The following DRC11 variants were observed in gnomAD, a reference collection of about 807,000 sequenced individuals.
The protein encoded by DRC11 is IQ and AAA domain-containing protein 1.
the DRC11 span, among the ~76,000 whole-genome samples, chr2:236,494,876 G>A: frequency 6.6e-6 from 1 of 152,198 alleles, no homozygotes; most frequent in African/African-American, 2.4e-5. This position sits in a 1 kb window ranked among gnomAD's most constrained non-coding sequence, Gnocchi z 4.2. Context: ...AACTAGCAGA[G>A]TCTAGTGGGT....
the DRC11 span, among the ~76,000 whole-genome samples, chr2:236,451,567 A>T: frequency 6.6e-6 from 1 of 152,164 alleles, no homozygotes; most frequent in Non-Finnish European, 1.5e-5. Context: ...CTATTTAAAA[A>T]TTTTAAAAAT....
At chr2:236,420,219 T>C in the DRC11 span, among the ~76,000 whole-genome samples, 2 of 152,190 alleles carry the variant, frequency 1.3e-5, no homozygotes, top group African/African-American at 4.8e-5. This position sits in a 1 kb window ranked among gnomAD's most constrained non-coding sequence, Gnocchi z 4.8. Flanking sequence ...ACACATACAG[T>C]GCAGTATCCC....
chr2:236,408,186 G>T, the DRC11 span: 1 of 741,258 alleles, frequency 1.3e-6, no homozygotes, highest in South Asian at 1.3e-5. The surrounding 1 kb of genome is among the most constrained non-coding windows in gnomAD (Gnocchi z 5.5). Flanking sequence ...TCAGTTTGTC[G>T]TCCTTGATAA....
At chr2:236,377,166 TATACAG>T in the DRC11 span, 1 of 1,612,098 alleles carries the variant, frequency 6.2e-7, no homozygotes, top group Non-Finnish European at 8.5e-7. The surrounding 1 kb of genome is among the most constrained non-coding windows in gnomAD (Gnocchi z 4.9). Flanking sequence ...ACCAGTTCCT[TATACAG>T]AGACTCGATG....
chr2:236,410,274 C>T, the DRC11 span, among the ~76,000 whole-genome samples: 2,841 of 151,718 alleles, frequency 0.019, 85 homozygotes, highest in African/African-American at 0.064. Context: ...TTGATTATTG[C>T]CACAATTTCA....
chr2:236,355,542 C>T, the DRC11 span, among the ~76,000 whole-genome samples: 2 of 152,182 alleles, frequency 1.3e-5, no homozygotes, highest in Non-Finnish European at 2.9e-5. Flanking sequence ...TGTCCATACC[C>T]GAGGCTGCAC....
At chr2:236,387,843 T>C in the DRC11 span, among the ~76,000 whole-genome samples, 1 of 152,180 alleles carries the variant, frequency 6.6e-6, no homozygotes, top group Non-Finnish European at 1.5e-5. Flanking sequence ...CAGGAGCTCT[T>C]GTAAGGCAGG....
At chr2:236,371,017 TA>T in the DRC11 span, among the ~76,000 whole-genome samples, 1 of 152,110 alleles carries the variant, frequency 6.6e-6, no homozygotes, top group African/African-American at 2.4e-5. This position sits in a 1 kb window ranked among gnomAD's most constrained non-coding sequence, Gnocchi z 5.1. Context: ...ATCTCAAGAC[TA>T]AAAAAAGCAA....
At chr2:236,445,515 T>C in the DRC11 span, among the ~76,000 whole-genome samples, 1 of 151,590 alleles carries the variant, frequency 6.6e-6, no homozygotes, top group South Asian at 2.1e-4. The surrounding 1 kb of genome is among the most constrained non-coding windows in gnomAD (Gnocchi z 4.8). Context: ...TTTTTTTGTA[T>C]TTTTTGTAGA....
At chr2:236,366,748 GTTCT>G in the DRC11 span, among the ~76,000 whole-genome samples, 1 of 131,348 alleles carries the variant, frequency 7.6e-6, no homozygotes, top group African/African-American at 2.7e-5. Context: ...TTGGCTCTTG[GTTCT>G]TTCTTTCTCT....
chr2:236,415,715 C>T, the DRC11 span, among the ~76,000 whole-genome samples: 40 of 152,270 alleles, frequency 2.6e-4, no homozygotes, highest in African/African-American at 6.7e-4. The surrounding 1 kb of genome is among the most constrained non-coding windows in gnomAD (Gnocchi z 5.7). Context: ...AACTGTTCAT[C>T]GTTAAGTGAC....
At chr2:236,410,477 A>G in the DRC11 span, among the ~76,000 whole-genome samples, 530 of 151,406 alleles carry the variant, frequency 3.5e-3, 3 homozygotes, top group African/African-American at 0.012. Context: ...TGCCCAAGGT[A>G]ATTTACAGAT....
chr2:236,504,435 T>TA, the DRC11 span, among the ~76,000 whole-genome samples: 3 of 152,154 alleles, frequency 2.0e-5, no homozygotes, highest in African/African-American at 7.2e-5. This position sits in a 1 kb window ranked among gnomAD's most constrained non-coding sequence, Gnocchi z 5.0. Context: ...TGCGTGGAAA[T>TA]ATGTCTTTAT....
chr2:236,480,188 T>C, the DRC11 span, among the ~76,000 whole-genome samples: 1 of 152,162 alleles, frequency 6.6e-6, no homozygotes, highest in Non-Finnish European at 1.5e-5. Flanking sequence ...TCCTTGACTT[T>C]TGAGAGTTTA....
At chr2:236,329,888 T>C in the DRC11 span, among the ~76,000 whole-genome samples, 1 of 152,162 alleles carries the variant, frequency 6.6e-6, no homozygotes, top group African/African-American at 2.4e-5. Context: ...AGGGTAGTAA[T>C]TCCTTTTCTT....
chr2:236,408,452 T>G, the DRC11 span: 2 of 741,086 alleles, frequency 2.7e-6, no homozygotes, highest in Non-Finnish European at 5.1e-6. The surrounding 1 kb of genome is among the most constrained non-coding windows in gnomAD (Gnocchi z 5.5). Context: ...AACACTTGGT[T>G]CACAGGTATG....
At chr2:236,326,741 A>T in the DRC11 span, among the ~76,000 whole-genome samples, 1 of 151,040 alleles carries the variant, frequency 6.6e-6, no homozygotes, top group African/African-American at 2.4e-5. Context: ...GTCAGATTGT[A>T]TTTAGCACTA....
the DRC11 span, among the ~76,000 whole-genome samples, chr2:236,328,446 T>C: frequency 2.6e-5 from 4 of 152,178 alleles, no homozygotes; most frequent in Non-Finnish European, 2.9e-5. This position sits in a 1 kb window ranked among gnomAD's most constrained non-coding sequence, Gnocchi z 6.7. Flanking sequence ...CCCACCTAGA[T>C]CCCTGAGAAG....
At chr2:236,351,621 G>C in the DRC11 span, among the ~76,000 whole-genome samples, 1 of 152,160 alleles carries the variant, frequency 6.6e-6, no homozygotes, top group Non-Finnish European at 1.5e-5. This position sits in a 1 kb window ranked among gnomAD's most constrained non-coding sequence, Gnocchi z 7.3. Flanking sequence ...ATCCCTCTTG[G>C]GAGTGTGTAG....
Sources: gnomAD v4.1 joint callset for allele counts (sites outside exome capture counted in the v4.1 genomes callset) on GRCh38, gnomAD v4.1.1 for gene constraint, Gnocchi (gnomAD v3.1) non-coding constraint, MANE v1.5 for transcripts, NCBI Gene and HGNC (gene_info 2026-07-23, HGNC 2026-07-21) for gene names.